OPTC: variants seen among roughly 807,000 people sequenced by gnomAD.
OPTC encodes the protein oculoglycan.
In OPTC, 22 loss-of-function variants were observed where a neutral mutation model predicts 25.4. That is an observed-to-expected ratio of 0.87 (90% CI 0.62 to 1.24). The LOEUF (loss-of-function observed/expected upper bound fraction) is 1.24, where lower values mean the gene tolerates loss of function less well. Ranked by LOEUF, OPTC falls within the 50% of genes most tolerant of loss-of-function variation. The pLI is 0.00. For synonymous variants in OPTC, 169 were observed against 179.3 expected, an observed-to-expected ratio of 0.94 and a Z score of 0.46; for missense variants, 417 against 425.2, an observed-to-expected ratio of 0.98 and a Z score of 0.17.
chr1:203,497,843 A>G (rs889208539), intron 3 of OPTC, among the ~76,000 whole-genome samples: 2 of 152,172 alleles, frequency 1.3e-5, no homozygotes, highest in Non-Finnish European at 2.9e-5. Context: ...TGAATCCACC[A>G]TTCAAAGCCT....
In OPTC at chr1:203,497,133, T is replaced by A. The variant is rs1446469843; in HGVS notation, c.370+18T>A. ...CAACCATGGTAAGTGCACAGTCACA[T>A]GGTCGCAATATCCCTAGGTCATAGG... On this transcript the variant is annotated intron_variant, in intron 3 of 7. Coordinates refer to ENST00000367222, the MANE Select transcript of OPTC (RefSeq NM_014359.4). The A allele has an allele frequency of 6.2e-7, 1 of 1,613,854 alleles. No homozygotes were observed.
intron 3 of OPTC, among the ~76,000 whole-genome samples, chr1:203,497,453 C>A (rs1035568125): frequency 1.3e-5 from 2 of 152,182 alleles, no homozygotes; most frequent in African/African-American, 4.8e-5. Flanking sequence ...AGATTACAGA[C>A]AATTAAAAGC....
chr1:203,496,954 T>A, intron 2 of OPTC, 23 bp from the exon 3 acceptor site: 1 of 1,614,046 alleles, frequency 6.2e-7, no homozygotes, highest in African/African-American at 1.3e-5. Flanking sequence ...TGGGCTACTG[T>A]GTACTCTGTG....
intron 5 of OPTC, among the ~76,000 whole-genome samples, chr1:203,500,518 C>A (rs1394860657): frequency 6.7e-6 from 1 of 150,260 alleles, no homozygotes; most frequent in African/African-American, 2.5e-5. Context: ...TCCCACCATG[C>A]ACCTCCATCA....
rs1023717261 is a variant in OPTC, at chr1:203,508,633, C to T, written c.*26-13C>T. 4.6e-5 allele frequency: 7 copies of T among 151,402 alleles called. No homozygotes were observed. Among genetic ancestry groups the T allele is most frequent in the African/African-American group, 1.7e-4 (7 of 41,096 alleles). 9.4% of individuals were successfully genotyped at this position (151,402 alleles called of 1,614,324 possible). A position where few individuals can be genotyped will look rare whatever the true frequency, so the allele number is the denominator to read the frequency against. ...TAGACACCAGCTCAATTTTGTCTCT[C>T]CTCTCTCTCAAGGTCATCTCTTGGA... On this transcript the variant is annotated splice_polypyrimidine_tract_variant and intron_variant, in intron 7 of 7. Coordinates refer to ENST00000367222, the MANE Select transcript of OPTC (RefSeq NM_014359.4).
chr1:203,506,042 C>G (rs1661478641), intron 7 of OPTC, among the ~76,000 whole-genome samples: 1 of 152,076 alleles, frequency 6.6e-6, no homozygotes, highest in South Asian at 2.1e-4. Flanking sequence ...ATATCCCGTT[C>G]CATATCCTGC....
chr1:203,496,110 C>G lies in OPTC; in HGVS notation c.105C>G (p.Pro35=). 6.2e-7 allele frequency: 1 copy of G among 1,614,074 alleles called. No homozygotes were observed. The highest frequency in any genetic ancestry group is 8.5e-7 in the Non-Finnish European group (1 of 1,179,962). ...KERKRREEQM[P]REGDSFEVLP... ...GGAAGAGGAGAGAGGAGCAGATGCC[C>G]AGGGAAGGCGATTCCTTTGAAGTTC... Residue 35 remains proline, a synonymous_variant, in exon 2 of 8, where the codon CCC becomes CCG. Transcript: ENST00000367222.
chr1:203,499,662 G>A lies in OPTC; in HGVS notation c.543G>A (p.Arg181=). 6.2e-7 allele frequency: 1 copy of A among 1,613,412 alleles called. No individual in the cohort carries two copies. Among genetic ancestry groups the A allele is most frequent in the South Asian group, 1.1e-5 (1 of 91,058 alleles). The part of the protein sequence containing the change: ...EDFKGLTKLK[R]IDLSNNLISS... ...AACCTCTCTCAGCAAAGTTGAAGAG[G>A]ATTGACCTCTCCAACAACCTCATTT... Residue 181 remains arginine, a synonymous_variant, in exon 5 of 8, where the codon AGG becomes AGA. Transcript: ENST00000367222.
At chr1:203,503,094 G>A (rs148864050) in intron 6 of OPTC, 85 bp downstream of exon 6, 3 of 1,065,220 alleles carry the variant, frequency 2.8e-6, no homozygotes, top group African/African-American at 3.1e-5. Context: ...GCAGAGAGAG[G>A]CATGAGGCTT....
In OPTC at chr1:203,499,667, A is replaced by G. The variant is rs1338784545; in HGVS notation, c.548A>G (p.Asp183Gly). 1.9e-6 allele frequency: 3 copies of G among 1,612,902 alleles called. No individual in the cohort carries two copies. In the Admixed American group the frequency reaches 5.0e-5, roughly 27 times the overall value. Residue 183 changes from aspartate to glycine, a missense_variant, in exon 5 of 8, where the codon GAC becomes GGC. Physicochemically the swap from Asp to Gly is moderately conservative, Grantham distance 94. Coordinates refer to ENST00000367222, the MANE Select transcript of OPTC (RefSeq NM_014359.4). The part of the protein sequence containing the change: ...FKGLTKLKRI[D>G]LSNNLISSID... ...CTCTCAGCAAAGTTGAAGAGGATTG[A>G]CCTCTCCAACAACCTCATTTCCTCC...
In OPTC at chr1:203,497,114, T is replaced by C; in HGVS notation, c.369T>C (p.His123=). 2 of 1,613,782 alleles carry C rather than the reference T, an allele frequency of 1.2e-6. No homozygotes were observed. Among genetic ancestry groups the C allele is most frequent in the Non-Finnish European group, 1.7e-6 (2 of 1,179,964 alleles). ...AGLLLSSQPN[H]GLPTCLVCVC... ...TGCTACTGAGTTCCCAGCCCAACCATGGTAAGTGCACAGTCACATGGTCGC... is the reference window on the plus strand; with the variant it reads ...TGCTACTGAGTTCCCAGCCCAACCACGGTAAGTGCACAGTCACATGGTCGC... Residue 123 remains histidine, a splice_region_variant and synonymous_variant, in exon 3 of 8, where the codon CAT becomes CAC. Transcript: ENST00000367222.
intron 1 of OPTC, among the ~76,000 whole-genome samples, chr1:203,494,965 A>G (rs542652650): frequency 6.6e-6 from 1 of 152,368 alleles, no homozygotes; most frequent in African/African-American, 2.4e-5. Flanking sequence ...CACTCATGCA[A>G]TCACACACAA....
At position 203,495,965 on chromosome 1, in the gene OPTC, G is replaced by C; in HGVS notation, c.-41G>C. 6.9e-7 allele frequency: 1 copy of C among 1,457,730 alleles called. No homozygotes were observed. The highest frequency in any genetic ancestry group is 9.5e-7 in the Non-Finnish European group (1 of 1,054,136). 90.3% of individuals were successfully genotyped at this position (1,457,730 alleles called of 1,614,324 possible). ...GCCCTTCCTCGTGCCCACTTGCCAG[G>C]ACCAGCCGCTGAAGGGATTCTCAGT... On this transcript the variant is annotated splice_region_variant and 5_prime_UTR_variant, in exon 2 of 8. Coordinates refer to ENST00000367222, the MANE Select transcript of OPTC (RefSeq NM_014359.4).
In OPTC at chr1:203,497,046, C is replaced by A. The variant is rs776313749; in HGVS notation, c.301C>A (p.Pro101Thr). The part of the protein sequence containing the change: ...PAKSTTAPGT[P>T]SSNPTMTRPT... ...CAAGAGCACTACGGCTCCAGGGACA[C>A]CCTCGTCAAACCCCACGATGACCAG... Residue 101 changes from proline (P) to threonine (T), a missense_variant, in exon 3 of 8, where the codon CCC becomes ACC. Coordinates refer to ENST00000367222, the MANE Select transcript of OPTC (RefSeq NM_014359.4). 2.5e-6 allele frequency: 4 copies of A among 1,614,074 alleles called. No homozygotes were observed. The highest frequency in any genetic ancestry group is 3.4e-6 in the Non-Finnish European group (4 of 1,180,010).
intron 5 of OPTC, among the ~76,000 whole-genome samples, chr1:203,501,139 C>T (rs1661385775): frequency 6.6e-6 from 1 of 152,138 alleles, no homozygotes; most frequent in Admixed American, 6.5e-5. Context: ...GGCTCTGTCG[C>T]CCAGGCTGGA....
In OPTC at chr1:203,498,690, C is replaced by T; in HGVS notation, c.380C>T (p.Thr127Ile). Residue 127 changes from threonine (T) to isoleucine (I), a missense_variant, in exon 4 of 8, where the codon ACC (threonine) becomes ATC (isoleucine). Transcript: ENST00000367222. The stretch of plus-strand genomic sequence containing the variant: ...CTTCCACCTGGGCCAGGTCTGCCCA[C>T]CTGCCTGGTCTGCGTGTGCCTCGGT... ...LSSQPNHGLP[T>I]CLVCVCLGSS... is the part of the protein sequence containing the mutation. The T allele has an allele frequency of 1.2e-5, 20 of 1,614,204 alleles. No individual in the cohort carries two copies. Among genetic ancestry groups the T allele is most frequent in the Non-Finnish European group, 1.7e-5 (20 of 1,180,040 alleles).
rs966531720 is a variant in OPTC, at chr1:203,497,233, C to T, written c.370+118C>T. Reference sequence around the variant, plus strand: ...GGGGTTGGGGCATGGAGGGTCAGGGCTACCCTTACTAGCAGGGAGAGAAGG... The same window carrying T: ...GGGGTTGGGGCATGGAGGGTCAGGGTTACCCTTACTAGCAGGGAGAGAAGG... On this transcript the variant is annotated intron_variant, in intron 3 of 7. Transcript: ENST00000367222. The T allele has an allele frequency of 9.8e-6, 10 of 1,017,996 alleles. No homozygotes were observed. In the Admixed American group the frequency reaches 1.8e-4, roughly 18 times the overall value. 63.1% of individuals were successfully genotyped at this position (1,017,996 alleles called of 1,614,324 possible).
intron 7 of OPTC, among the ~76,000 whole-genome samples, chr1:203,504,570 C>G (rs1224893295): frequency 6.6e-6 from 1 of 152,228 alleles, no homozygotes; most frequent in African/African-American, 2.4e-5. Flanking sequence ...ACCAGCTCCC[C>G]CTACCTGCAC....
rs1475031836 is a variant in OPTC, at chr1:203,503,541, T to G, written c.829-9T>G. 1 of 1,613,074 alleles carries G rather than the reference T, an allele frequency of 6.2e-7. No individual in the cohort carries two copies. Among genetic ancestry groups the G allele is most frequent in the Admixed American group, 1.7e-5 (1 of 60,008 alleles). On this transcript the variant is annotated splice_polypyrimidine_tract_variant and intron_variant, in intron 6 of 7. Coordinates refer to ENST00000367222, the MANE Select transcript of OPTC (RefSeq NM_014359.4). ...TTGGTGAGGCTCAGCTGGTATGTGT[T>G]CTTCCCAGAATAACCTGATAGAGAC...
Sources: gnomAD v4.1 joint callset for allele counts (sites outside exome capture counted in the v4.1 genomes callset) on GRCh38, gnomAD v4.1.1 for gene constraint, MANE v1.5 for transcripts, NCBI Gene and HGNC (gene_info 2026-07-23, HGNC 2026-07-21) for gene names.